Variants in HFM1 observed in about 807,000 individuals in gnomAD.
HFM1 encodes probable ATP-dependent DNA helicase HFM1.
In HFM1, 169 loss-of-function variants were observed where a neutral mutation model predicts 192.1. The ratio of observed to expected loss-of-function variants is 0.88; its 90% CI spans 0.78 to 1.00. The LOEUF (loss-of-function observed/expected upper bound fraction) is 1.00, where lower values mean the gene tolerates loss of function less well. Ranked by LOEUF, HFM1 falls within the 50% of genes least tolerant of loss-of-function variation. The pLI is 0.00. For missense variants in HFM1, 1,661 were observed against 1,668.0 expected (o/e 1.00, Z 0.07); for synonymous variants, 525 against 537.8 (o/e 0.98, Z 0.33).
In HFM1 at chr1:91,350,776, A is replaced by G; in HGVS notation, c.2168T>C (p.Leu723Pro). The G allele has an allele frequency of 6.2e-7, 1 of 1,611,920 alleles. No homozygotes were observed. The highest frequency in any genetic ancestry group is 8.5e-7 in the Non-Finnish European group (1 of 1,178,892). ...ATTTTTCAAGGCTCTGATATAAAGC[A>G]GAGTTGATCGTATCCATTCCACAGC... ...NIAVEWIRST[L>P]LYIRALKNPS... The change falls in exon 18 of 39, where the codon CTG becomes CCG. Residue 723 changes from leucine (L) to proline (P), a missense_variant. Leu to Pro is a moderately conservative substitution (Grantham distance 98). Coordinates refer to ENST00000370425, the MANE Select transcript of HFM1 (RefSeq NM_001017975.6).
At chr1:91,388,823 T>G (rs1662566949) in intron 4 of HFM1, among the ~76,000 whole-genome samples, 1 of 151,952 alleles carries the variant, frequency 6.6e-6, no homozygotes, top group African/African-American at 2.4e-5. Context: ...AATTTAAAAC[T>G]TGCGCTGCGA....
chr1:91,285,795 T>A (rs1173474978), intron 30 of HFM1, among the ~76,000 whole-genome samples: 1 of 152,212 alleles, frequency 6.6e-6, no homozygotes, highest in African/African-American at 2.4e-5. Context: ...AGTTTTAAAT[T>A]GTACATCATT....
rs200606149 is a variant in HFM1, at chr1:91,315,918, T to G, written c.3037A>C (p.Asn1013His). ...AEILVTVILRNFEQLQTKRTA... is the reference protein window; with the variant it reads ...AEILVTVILRHFEQLQTKRTA... ...CTTTTAGTTTGTAGCTGTTCAAAATTTCTTAATATAACAGTCACTAATATT... is the reference window on the plus strand; with the variant it reads ...CTTTTAGTTTGTAGCTGTTCAAAATGTCTTAATATAACAGTCACTAATATT... The change falls in exon 28 of 39, where the codon AAT becomes CAT. Residue 1013 changes from asparagine (N) to histidine (H), a missense_variant. Asn to His is a moderately conservative substitution (Grantham distance 68). Transcript: ENST00000370425. 3 of 1,602,094 alleles carry G rather than the reference T, an allele frequency of 1.9e-6. No individual in the cohort carries two copies. The highest frequency in any genetic ancestry group is 2.7e-5 in the African/African-American group (2 of 74,746).
At chr1:91,284,959 G>C (rs571699835) in intron 30 of HFM1, among the ~76,000 whole-genome samples, 55 of 152,204 alleles carry the variant, frequency 3.6e-4, no homozygotes, top group African/African-American at 1.3e-3. Flanking sequence ...GAGAGACCTG[G>C]GGGAGATAAT....
chr1:91,296,603 G>T (rs1159297586), intron 30 of HFM1, among the ~76,000 whole-genome samples: 2 of 152,024 alleles, frequency 1.3e-5, no homozygotes, highest in African/African-American at 4.8e-5. Context: ...TGAATATAAA[G>T]ATTAATTTGG....
rs1655651621 is a variant in HFM1 at position 91,343,378 on chromosome 1, T to C, written c.2335+52A>G. 6 of 868,908 alleles carry C rather than the reference T, an allele frequency of 6.9e-6. No homozygotes were observed. The South Asian group carries it at 8.9e-5, about 13-fold the overall frequency. The allele number at this position is 868,908 out of a possible 1,614,324, so 53.8% of individuals were successfully genotyped here. A position where few individuals can be genotyped will look rare whatever the true frequency, so the allele number is the denominator to read the frequency against. On this transcript the variant is annotated intron_variant, in intron 20 of 38. Transcript: ENST00000370425. The stretch of plus-strand genomic sequence containing the variant: ...AAATTTTAGTAAAACAAAATTTTAA[T>C]TTAGTCTTAAGTAAACAATTGCTAA...
intron 19 of HFM1, 51 bp from the exon 20 acceptor site, chr1:91,343,561 G>GGAA (rs1655693027): frequency 8.5e-6 from 6 of 709,228 alleles, no homozygotes; most frequent in Non-Finnish European, 1.4e-5. Flanking sequence ...AGGGAAGTAG[G>GGAA]GAAAAATAAT....
At chr1:91,287,011 C>T (rs1285050081) in intron 30 of HFM1, among the ~76,000 whole-genome samples, 2 of 152,094 alleles carry the variant, frequency 1.3e-5, no homozygotes, top group Admixed American at 6.5e-5. Context: ...GAGGGTCCTA[C>T]GCCCACGGAG....
At chr1:91,395,069 G>A (rs1663487507) in intron 3 of HFM1, among the ~76,000 whole-genome samples, 1 of 151,830 alleles carries the variant, frequency 6.6e-6, no homozygotes, top group Non-Finnish European at 1.5e-5. Context: ...ATAATAAAAT[G>A]AATGTGCATG....
intron 19 of HFM1, among the ~76,000 whole-genome samples, chr1:91,344,634 C>T (rs1655863579): frequency 6.7e-6 from 1 of 148,722 alleles, no homozygotes; most frequent in Non-Finnish European, 1.5e-5. Context: ...TATAAAGAAA[C>T]ATAAGGCTAA....
At chr1:91,379,772 A>T (rs941010613) in intron 8 of HFM1, among the ~76,000 whole-genome samples, 9 of 152,120 alleles carry the variant, frequency 5.9e-5, no homozygotes, top group African/African-American at 1.9e-4. Context: ...TACTTTGATT[A>T]AAAAAAATTT....
At chr1:91,292,130 G>C (rs914514952) in intron 30 of HFM1, among the ~76,000 whole-genome samples, 1 of 151,566 alleles carries the variant, frequency 6.6e-6, no homozygotes, top group Non-Finnish European at 1.5e-5. Flanking sequence ...CATTCCCTTT[G>C]AAAACTGGCA....
intron 2 of HFM1, among the ~76,000 whole-genome samples, chr1:91,399,342 A>G (rs1664038943): frequency 1.3e-5 from 2 of 151,760 alleles, no homozygotes; most frequent in Admixed American, 1.3e-4. Context: ...TGACAGATAG[A>G]TATTTGATAC....
At chr1:91,395,723 T>A (rs1663577993) in intron 3 of HFM1, among the ~76,000 whole-genome samples, 1 of 152,176 alleles carries the variant, frequency 6.6e-6, no homozygotes, top group Non-Finnish European at 1.5e-5. Context: ...TGGGGGGGTA[T>A]CTGATATTTT....
At chr1:91,339,347 T>A (rs991211754) in intron 20 of HFM1, among the ~76,000 whole-genome samples, 2 of 151,886 alleles carry the variant, frequency 1.3e-5, no homozygotes, top group Non-Finnish European at 2.9e-5. Context: ...GCAATGAAGA[T>A]CATCAAGATT....
chr1:91,353,717 T>C (rs1174324791), intron 13 of HFM1, among the ~76,000 whole-genome samples: 4 of 145,808 alleles, frequency 2.7e-5, no homozygotes, highest in African/African-American at 1.0e-4. Context: ...AGACATGGCA[T>C]TTAAAAAAAC....
chr1:91,274,615 C>T (rs1375651821), intron 33 of HFM1, 115 bp downstream of exon 33: 12 of 525,884 alleles, frequency 2.3e-5, no homozygotes, highest in African/African-American at 3.9e-5. Flanking sequence ...TGGAACTAAA[C>T]GATAACTGTG....
intron 4 of HFM1, among the ~76,000 whole-genome samples, 162 bp downstream of exon 4, chr1:91,393,931 G>A (rs1335013093): frequency 6.6e-6 from 1 of 151,984 alleles, no homozygotes; most frequent in Non-Finnish European, 1.5e-5. Context: ...TTTATGTGTA[G>A]GACCAGGACT....
chr1:91,290,749 T>C lies in HFM1; in HGVS notation c.3392-13687A>G, dbSNP rs1668651145. Among the ~76,000 whole-genome samples, 5 of 152,172 alleles carry C rather than the reference T, an allele frequency of 3.3e-5. No homozygotes were observed. The South Asian group carries it at 1.0e-3, about 32-fold the overall frequency. On this transcript the variant is annotated intron_variant, in intron 30 of 38. Transcript: ENST00000370425. The stretch of plus-strand genomic sequence containing the variant: ...CCACCCCAAATCAACAGAATATACA[T>C]TTTTTTCAGCACCACACCACACCTA...
Sources: gnomAD v4.1 joint callset for allele counts (sites outside exome capture counted in the v4.1 genomes callset) on GRCh38, gnomAD v4.1.1 for gene constraint, MANE v1.5 for transcripts, NCBI Gene and HGNC (gene_info 2026-07-23, HGNC 2026-07-21) for gene names.